RALGAPA2: variants seen among roughly 807,000 people sequenced by gnomAD.
The protein encoded by RALGAPA2 is Ral GTPase activating protein catalytic subunit alpha 2, also known as ral GTPase-activating protein subunit alpha-2.
In RALGAPA2, 139 loss-of-function variants were observed where a neutral mutation model predicts 230.4. The ratio of observed to expected loss-of-function variants is 0.60; its 90% CI spans 0.53 to 0.69. RALGAPA2 has a LOEUF of 0.69. Among genes scored for constraint, RALGAPA2 ranks in the 30% least tolerant of loss-of-function variants. RALGAPA2 has a pLI of 0.00. For missense variants in RALGAPA2, 2,163 were observed against 2,276.0 expected, an observed-to-expected ratio of 0.95 and a Z score of 1.01; for synonymous variants, 847 against 837.8, an observed-to-expected ratio of 1.01 and a Z score of -0.19.
chr20:20,509,560 C>T (rs1451494839), intron 33 of RALGAPA2, among the ~76,000 whole-genome samples: 5 of 152,192 alleles, frequency 3.3e-5, no homozygotes, highest in Non-Finnish European at 7.3e-5. Context: ...AGGTTTGGAA[C>T]AGCCATCCTG....
At chr20:20,688,243 T>C (rs780524265) in intron 1 of RALGAPA2, among the ~76,000 whole-genome samples, 1 of 151,880 alleles carries the variant, frequency 6.6e-6, no homozygotes, top group East Asian at 1.9e-4. Context: ...GAGGCAGAGG[T>C]TGCGGTGAGC....
intron 16 of RALGAPA2, among the ~76,000 whole-genome samples, chr20:20,594,546 T>C (rs1459144363): frequency 1.3e-5 from 2 of 152,114 alleles, no homozygotes; most frequent in African/African-American, 2.4e-5. Flanking sequence ...TTGCATTTTC[T>C]ATTTTGAATA....
At chr20:20,531,290 C>T (rs2063359470) in intron 27 of RALGAPA2, among the ~76,000 whole-genome samples, 1 of 152,188 alleles carries the variant, frequency 6.6e-6, no homozygotes, top group African/African-American at 2.4e-5. Context: ...CTTAAAGTGC[C>T]CAAGATTCAG....
intron 37 of RALGAPA2, among the ~76,000 whole-genome samples, chr20:20,455,406 T>C (rs2061091233): frequency 6.6e-6 from 1 of 152,252 alleles, no homozygotes; most frequent in Non-Finnish European, 1.5e-5. Context: ...ACTAAAGAGC[T>C]GGGGGATCGG....
At chr20:20,570,822 T>C (rs1053734815) in intron 23 of RALGAPA2, among the ~76,000 whole-genome samples, 2 of 152,086 alleles carry the variant, frequency 1.3e-5, no homozygotes, top group African/African-American at 2.4e-5. Flanking sequence ...AATCCATGTG[T>C]CCCTATCCGT....
At chr20:20,474,763 C>G (rs1337762375) in intron 36 of RALGAPA2, among the ~76,000 whole-genome samples, 2 of 152,130 alleles carry the variant, frequency 1.3e-5, no homozygotes, top group Non-Finnish European at 2.9e-5. Flanking sequence ...TTCAGACATG[C>G]TAAGTTAGAG....
chr20:20,406,937 A>G (rs1314633584), intron 38 of RALGAPA2, among the ~76,000 whole-genome samples: 1 of 152,216 alleles, frequency 6.6e-6, no homozygotes, highest in Admixed American at 6.5e-5. Flanking sequence ...ATCTGAATAG[A>G]GTAAAATTTG....
intron 36 of RALGAPA2, among the ~76,000 whole-genome samples, chr20:20,487,754 A>T (rs1353593016): frequency 4.6e-5 from 7 of 152,064 alleles, no homozygotes; most frequent in African/African-American, 1.7e-4. Context: ...CCAAAAAAAA[A>T]TACAAAACTT....
chr20:20,584,899 C>A lies in RALGAPA2; in HGVS notation c.2496G>T (p.Gln832His), dbSNP rs1199001807. The change falls in exon 19 of 40, where the codon CAG becomes CAT. Residue 832 changes from glutamine to histidine, a missense_variant. Coordinates refer to ENST00000202677, the MANE Select transcript of RALGAPA2 (RefSeq NM_020343.4). Reference protein sequence around the residue: ...PAELDLKDDLQQTQGKCRERQ... With the variant: ...PAELDLKDDLHQTQGKCRERQ... ...TTTCCCTACATTTTCCTTGTGTCTG[C>A]TGCAAATCATCTTTCAAATCCAATT... 3 of 1,611,968 alleles carry A rather than the reference C, an allele frequency of 1.9e-6. No homozygotes were observed. Among genetic ancestry groups the A allele is most frequent in the Non-Finnish European group, 2.5e-6 (3 of 1,178,742 alleles).
chr20:20,410,387 C>T (rs977392435), intron 38 of RALGAPA2, among the ~76,000 whole-genome samples: 3 of 152,090 alleles, frequency 2.0e-5, no homozygotes, highest in Non-Finnish European at 4.4e-5. Context: ...TTATTATTTA[C>T]GTGTTTAATT....
chr20:20,711,663 A>G (rs968419041), intron 1 of RALGAPA2, among the ~76,000 whole-genome samples: 6 of 152,092 alleles, frequency 3.9e-5, no homozygotes, highest in African/African-American at 1.4e-4. Flanking sequence ...GGCAGACAGC[A>G]TCACTGTCAT....
chr20:20,496,838 T>G (rs866568527), intron 35 of RALGAPA2, among the ~76,000 whole-genome samples: 1 of 152,208 alleles, frequency 6.6e-6, no homozygotes, highest in Non-Finnish European at 1.5e-5. Flanking sequence ...TATTCTTCAC[T>G]CTCTCATACT....
chr20:20,644,149 C>T (rs1011135368), intron 4 of RALGAPA2, among the ~76,000 whole-genome samples: 1 of 152,146 alleles, frequency 6.6e-6, no homozygotes, highest in African/African-American at 2.4e-5. Context: ...TAAATGTATT[C>T]ATGACCTCAG....
At chr20:20,613,857 T>A (rs1421312458) in intron 13 of RALGAPA2, among the ~76,000 whole-genome samples, 2 of 152,300 alleles carry the variant, frequency 1.3e-5, no homozygotes, top group East Asian at 3.9e-4. Context: ...CGTCTGTCCA[T>A]GCCAAGCAAC....
chr20:20,576,151 A>G (rs1211922829), intron 20 of RALGAPA2, among the ~76,000 whole-genome samples: 1 of 152,122 alleles, frequency 6.6e-6, no homozygotes, highest in Non-Finnish European at 1.5e-5. Flanking sequence ...AATTGTGACA[A>G]TAATATAGTT....
At chr20:20,559,139 T>G (rs1465701972) in intron 23 of RALGAPA2, among the ~76,000 whole-genome samples, 1 of 152,232 alleles carries the variant, frequency 6.6e-6, no homozygotes, top group Non-Finnish European at 1.5e-5. Context: ...TCTCTTAGTT[T>G]ATTTTCTTAC....
At chr20:20,522,320 T>C (rs2063069350) in intron 30 of RALGAPA2, among the ~76,000 whole-genome samples, 1 of 151,910 alleles carries the variant, frequency 6.6e-6, no homozygotes. Flanking sequence ...CAAATGTCTA[T>C]GAACGGTAAA....
intron 3 of RALGAPA2, among the ~76,000 whole-genome samples, chr20:20,674,271 C>T (rs1488258235): frequency 1.3e-5 from 2 of 151,442 alleles, no homozygotes; most frequent in African/African-American, 2.4e-5. Context: ...CATATTAATA[C>T]TCAAGAAGAA....
chr20:20,700,618 A>G (rs894505827), intron 1 of RALGAPA2, among the ~76,000 whole-genome samples: 2 of 152,176 alleles, frequency 1.3e-5, no homozygotes, highest in African/African-American at 4.8e-5. Flanking sequence ...GAATTTGCCT[A>G]AGCCTGCCCT....
Sources: allele counts gnomAD v4.1 joint callset (sites outside exome capture counted in the v4.1 genomes callset), GRCh38; gene constraint gnomAD v4.1.1; transcripts MANE v1.5; gene names NCBI Gene and HGNC (gene_info 2026-07-23, HGNC 2026-07-21).